ADGRE1: variants seen among roughly 807,000 people sequenced by gnomAD.
The protein encoded by ADGRE1 is EGF-like module receptor 1.
ADGRE1 carries 82 observed loss-of-function variants against 102.7 expected under a neutral mutation model. The observed-to-expected ratio is 0.80, with a 90% CI of 0.67 to 0.96. ADGRE1 has a LOEUF of 0.96. Among genes scored for constraint, ADGRE1 ranks in the 40% least tolerant of loss-of-function variants. The probability of loss-of-function intolerance (pLI) is 0.00; values close to 1 mark genes in which losing one functional copy is unlikely to be tolerated. For synonymous variants in ADGRE1, 398 were observed against 399.6 expected (o/e 1.00, Z 0.05); for missense variants, 1,032 against 1,085.3 (o/e 0.95, Z 0.69).
At chr19:6,927,765 G>A (rs1451197715) in intron 16 of ADGRE1, among the ~76,000 whole-genome samples, 1 of 152,048 alleles carries the variant, frequency 6.6e-6, no homozygotes. Flanking sequence ...GGGTTCAAGC[G>A]ATTCTCCTAT....
At chr19:6,916,565 C>A (rs1164982812) in intron 12 of ADGRE1, among the ~76,000 whole-genome samples, 197 bp downstream of exon 12, 2 of 150,912 alleles carry the variant, frequency 1.3e-5, no homozygotes, top group Non-Finnish European at 3.0e-5. Context: ...AGTACTGAGA[C>A]CTTCACTGGC....
chr19:6,900,161 C>G (rs747560925), intron 5 of ADGRE1, among the ~76,000 whole-genome samples: 13 of 151,658 alleles, frequency 8.6e-5, no homozygotes, highest in Non-Finnish European at 1.5e-4. Flanking sequence ...GTCATCACAC[C>G]TTGGAGAATC....
intron 2 of ADGRE1, 46 bp from the exon 3 acceptor site, chr19:6,896,352 T>C: frequency 6.3e-7 from 1 of 1,596,812 alleles, no homozygotes; most frequent in Non-Finnish European, 8.6e-7. Context: ...GCAGCCTCAC[T>C]CTAATGCTCT....
rs560204163 is a variant in ADGRE1, at chr19:6,905,333, G to A, written c.950-1100G>A. Among the ~76,000 whole-genome samples the A allele has an allele frequency of 4.0e-4, 60 of 151,174 alleles. No homozygotes were observed. The South Asian group carries it at 0.011, about 28-fold the overall frequency. Reference sequence around the variant, plus strand: ...ACTGCACTCAAGCCTGGGTGACAGAGTGAGACCCTGTCTTTTGTTTTTTTT... The same window carrying A: ...ACTGCACTCAAGCCTGGGTGACAGAATGAGACCCTGTCTTTTGTTTTTTTT... On this transcript the variant is annotated intron_variant, in intron 8 of 20. Transcript: ENST00000312053.
chr19:6,937,785 G>A, intron 20 of ADGRE1, 137 bp downstream of exon 20: 1 of 656,698 alleles, frequency 1.5e-6, no homozygotes, highest in Non-Finnish European at 2.7e-6. Context: ...ATGAAGTGTG[G>A]AGTTGAAGAC....
chr19:6,908,679 TGG>T lies in ADGRE1; in HGVS notation c.1039-8_1039-7del. 1 of 1,552,366 alleles carries T rather than the reference TGG, an allele frequency of 6.4e-7. No homozygotes were observed. The highest frequency in any genetic ancestry group is 2.1e-5 in the Admixed American group (1 of 47,828). On this transcript the variant is annotated splice_polypyrimidine_tract_variant and splice_region_variant and intron_variant, in intron 9 of 20. Transcript: ENST00000312053. ...CACAAATGCTCTTTTTTTTTTTTTC[TGG>T]GACGCAGGTCTCCTTTTGTGCACAA...
chr19:6,936,651 G>C (rs940654631), intron 18 of ADGRE1, among the ~76,000 whole-genome samples: 4 of 145,596 alleles, frequency 2.7e-5, no homozygotes, highest in African/African-American at 1.0e-4. Flanking sequence ...TTGAGACAGA[G>C]TCTCTCTCTC....
intron 17 of ADGRE1, among the ~76,000 whole-genome samples, chr19:6,929,294 C>T (rs892709604): frequency 3.9e-5 from 6 of 152,210 alleles, no homozygotes; most frequent in African/African-American, 1.2e-4. Context: ...ACTTCTGGCC[C>T]GCAGCAAAGT....
chr19:6,939,298 T>A (rs1247222348), intron 20 of ADGRE1, among the ~76,000 whole-genome samples: 1 of 152,206 alleles, frequency 6.6e-6, no homozygotes, highest in Non-Finnish European at 1.5e-5. Flanking sequence ...TTAGAAAACA[T>A]TTGTAAGCAT....
At position 6,937,627 on chromosome 19, in the gene ADGRE1, C is replaced by T; in HGVS notation, c.2634C>T (p.Ser878=). Residue 878 remains serine (S), a synonymous_variant, in exon 20 of 21, where the codon TCC becomes TCT. Transcript: ENST00000312053. ...AGACCTCAAGGATCTTGCTGTCCTCCATGCCATCCGCTTCCAAGACGGTGA... is the reference window on the plus strand; with the variant it reads ...AGACCTCAAGGATCTTGCTGTCCTCTATGCCATCCGCTTCCAAGACGGTGA... ...QSQTSRILLS[S]MPSASKTG 3 of 1,614,082 alleles carry T rather than the reference C, an allele frequency of 1.9e-6. No individual in the cohort carries two copies. Among genetic ancestry groups the T allele is most frequent in the Non-Finnish European group, 2.5e-6 (3 of 1,180,012 alleles).
At chr19:6,911,384 A>ATTTTTT (rs1974168471) in intron 10 of ADGRE1, among the ~76,000 whole-genome samples, 4 of 34,768 alleles carry the variant, frequency 1.2e-4, no homozygotes, top group Non-Finnish European at 1.9e-4. Context: ...GATTCCTTTT[A>ATTTTTT]GTTTTTTTTT....
chr19:6,918,802 G>A (rs1974505303), intron 12 of ADGRE1, among the ~76,000 whole-genome samples: 1 of 152,120 alleles, frequency 6.6e-6, no homozygotes, highest in African/African-American at 2.4e-5. Context: ...TTGGCTCATT[G>A]CAACCTCCGC....
At chr19:6,919,480 G>GTGTGTGTT in intron 12 of ADGRE1, 68 bp from the exon 13 acceptor site, 1 of 1,050,078 alleles carries the variant, frequency 9.5e-7, no homozygotes, top group African/African-American at 1.6e-5. Context: ...GTGTGTGTGT[G>GTGTGTGTT]TTGGGTCTTC....
Position 6,937,674 on chromosome 19 carries a change from G to T in ADGRE1, c.2655+26G>T, listed in dbSNP as rs373952393. 8.1e-6 allele frequency: 13 copies of T among 1,608,010 alleles called. No individual in the cohort carries two copies. The African/African-American group carries it at 1.2e-4, about 15-fold the overall frequency. ...GTGAGAGACTGCATGCTCCCTGCAGGTGCTGGTCGAGGGAGGTGCCGGCCT... is the reference window on the plus strand; with the variant it reads ...GTGAGAGACTGCATGCTCCCTGCAGTTGCTGGTCGAGGGAGGTGCCGGCCT... On this transcript the variant is annotated intron_variant, in intron 20 of 20. Coordinates refer to ENST00000312053, the MANE Select transcript of ADGRE1 (RefSeq NM_001974.5).
Position 6,925,978 on chromosome 19 carries a change from A to G in ADGRE1, c.1987-388A>G, listed in dbSNP as rs375865634. Among the ~76,000 whole-genome samples, 8 of 152,236 alleles carry G rather than the reference A, an allele frequency of 5.3e-5. 2 individuals carry two copies. Among genetic ancestry groups the G allele is most frequent in the East Asian group, 1.9e-4 (1 of 5,182 alleles). On this transcript the variant is annotated intron_variant, in intron 15 of 20. Coordinates refer to ENST00000312053, the MANE Select transcript of ADGRE1 (RefSeq NM_001974.5). ...CTTCCAAAGTGCTGGGATTACAAGC[A>G]TGAGCCACCACACCCAGCCAGTAAA...
intron 11 of ADGRE1, among the ~76,000 whole-genome samples, chr19:6,914,688 G>A (rs1974313107): frequency 6.6e-6 from 1 of 152,210 alleles, no homozygotes; most frequent in Non-Finnish European, 1.5e-5. Flanking sequence ...AGTTGAGTCA[G>A]ATAATAAACA....
intron 9 of ADGRE1, among the ~76,000 whole-genome samples, chr19:6,908,459 A>T (rs1214857024): frequency 5.9e-5 from 9 of 152,050 alleles, no homozygotes; most frequent in Non-Finnish European, 1.3e-4. Flanking sequence ...ATCACTAAGT[A>T]GTTTTGCTAT....
Position 6,894,204 on chromosome 19 carries a change from A to G in ADGRE1, c.95-2194A>G, listed in dbSNP as rs371477455. ...ATTCACAGGTTCCAGGGATTAGGAC[A>G]TGGTCCTCTTGGAAGGGTCTGTTAT... On this transcript the variant is annotated intron_variant, in intron 2 of 20. Transcript: ENST00000312053. 4.6e-5 allele frequency among the ~76,000 whole-genome samples: 7 copies of G among 152,242 alleles called. No individual in the cohort carries two copies. The South Asian group carries it at 1.2e-3, about 27-fold the overall frequency.
Position 6,897,504 on chromosome 19 carries a change from C to T in ADGRE1, c.471C>T (p.Cys157=), listed in dbSNP as rs769713052. 6 of 1,595,182 alleles carry T rather than the reference C, an allele frequency of 3.8e-6. No individual in the cohort carries two copies. In the East Asian group the frequency reaches 1.3e-4, roughly 36 times the overall value. The change falls in exon 5 of 21, where the codon TGC becomes TGT. Residue 157 remains cysteine, a synonymous_variant. Transcript: ENST00000312053. ...TCAACTCCATGGGAAGCTACAGTTGCAGCTGTCAAGTTGGATTCATCTCTA... is the reference window on the plus strand; with the variant it reads ...TCAACTCCATGGGAAGCTACAGTTGTAGCTGTCAAGTTGGATTCATCTCTA... ...DCVNSMGSYS[C]SCQVGFISRN... is the part of the protein sequence containing the mutation.
Sources: allele counts gnomAD v4.1 joint callset (sites outside exome capture counted in the v4.1 genomes callset), GRCh38; gene constraint gnomAD v4.1.1; transcripts MANE v1.5; gene names NCBI Gene and HGNC (gene_info 2026-07-23, HGNC 2026-07-21).